The following FHIT variants were observed in gnomAD, a reference collection of about 807,000 sequenced individuals.
FHIT encodes the protein bis(5'-adenosyl)-triphosphatase.
A neutral mutation model predicts 17.9 loss-of-function variants in FHIT; 19 were observed. That is an observed-to-expected ratio of 1.06 (90% CI 0.74 to 1.56). The LOEUF is 1.56. Among genes scored for constraint, FHIT ranks in the 40% most tolerant of loss-of-function variants. FHIT has a pLI of 0.00. For missense variants in FHIT, 248 were observed against 189.2 expected, an observed-to-expected ratio of 1.31 and a Z score of -1.82; for synonymous variants, 81 against 69.7, an observed-to-expected ratio of 1.16 and a Z score of -0.81.
In FHIT at chr3:60,193,726, T is replaced by C. The variant is rs534773399; in HGVS notation, c.104-179574A>G. Among the ~76,000 whole-genome samples, 8 of 152,236 alleles carry C rather than the reference T, an allele frequency of 5.3e-5. No individual in the cohort carries two copies. In the East Asian group the frequency reaches 7.7e-4, roughly 15 times the overall value. On this transcript the variant is annotated intron_variant, in intron 5 of 9. Coordinates refer to ENST00000492590, the MANE Select transcript of FHIT (RefSeq NM_002012.4). ...CCACATCCTGACCCTGCAAACAGTT[T>C]AGTGGGGGACACAGGCTTTCACATA...
chr3:60,077,560 G>T (rs1317780518), intron 5 of FHIT: 1 of 151,608 alleles, frequency 6.6e-6, no homozygotes, highest in African/African-American at 2.4e-5. Flanking sequence ...AAAATTGTGG[G>T]GACAGGTCAA....
At chr3:60,557,261 G>A (rs1387168956) in intron 4 of FHIT, among the ~76,000 whole-genome samples, 1 of 152,160 alleles carries the variant, frequency 6.6e-6, no homozygotes, top group Non-Finnish European at 1.5e-5. Context: ...CCAGGTATGT[G>A]ACACTGGTCT....
intron 5 of FHIT, among the ~76,000 whole-genome samples, chr3:60,136,251 AGG>A (rs1291539526): frequency 9.7e-4 from 148 of 152,284 alleles, no homozygotes; most frequent in African/African-American, 3.4e-3. Flanking sequence ...CTCAATGTCA[AGG>A]TTACTTCCCA....
intron 5 of FHIT, among the ~76,000 whole-genome samples, chr3:60,256,802 C>G (rs538587970): frequency 6.6e-6 from 1 of 152,260 alleles, no homozygotes; most frequent in South Asian, 2.1e-4. Context: ...CTTAATATCT[C>G]TAGTTTCTTT....
intron 8 of FHIT, among the ~76,000 whole-genome samples, chr3:59,842,751 C>T (rs3112497): frequency 0.53 from 80,889 of 151,894 alleles, 24,001 homozygotes; most frequent in Admixed American, 0.66. Context: ...ATTTTTGAAT[C>T]AGTGATTTTT....
intron 5 of FHIT, among the ~76,000 whole-genome samples, chr3:60,358,554 A>T (rs2039048548): frequency 6.6e-6 from 1 of 152,244 alleles, no homozygotes; most frequent in Admixed American, 6.5e-5. Context: ...AGCCTAGGTC[A>T]AAAAGCTAAG....
intron 8 of FHIT, among the ~76,000 whole-genome samples, chr3:59,845,504 T>A (rs2046039135): frequency 6.6e-6 from 1 of 152,148 alleles, no homozygotes; most frequent in South Asian, 2.1e-4. Flanking sequence ...AAGTATTATC[T>A]AATTCCCCTT....
intron 4 of FHIT, among the ~76,000 whole-genome samples, chr3:60,786,988 G>A (rs1382992735): frequency 7.1e-6 from 1 of 140,914 alleles, no homozygotes; most frequent in African/African-American, 2.8e-5. Context: ...CAGGAAAGAG[G>A]GAAATAAGAC....
intron 5 of FHIT, among the ~76,000 whole-genome samples, chr3:60,158,812 C>G (rs574322334): frequency 6.6e-6 from 1 of 152,088 alleles, no homozygotes; most frequent in African/African-American, 2.4e-5. Context: ...GCACCCTATG[C>G]AGAATGAATC....
chr3:60,553,104 G>C (rs1283329422), intron 4 of FHIT, among the ~76,000 whole-genome samples: 1 of 152,028 alleles, frequency 6.6e-6, no homozygotes, highest in Non-Finnish European at 1.5e-5. Context: ...GCAATGAATG[G>C]GTAAATAATT....
chr3:60,646,208 G>A lies in FHIT; in HGVS notation c.-17-109229C>T, dbSNP rs537022387. On this transcript the variant is annotated intron_variant, in intron 4 of 9. Coordinates refer to ENST00000492590, the MANE Select transcript of FHIT (RefSeq NM_002012.4). ...TAGGAGAACAGATAATTACCGGAGT[G>A]AACTAGCAAATTCCTACTGGTTATA... Among the ~76,000 whole-genome samples, 3 of 152,270 alleles carry A rather than the reference G, an allele frequency of 2.0e-5. No homozygotes were observed. The East Asian group carries it at 5.8e-4, about 29-fold the overall frequency.
At chr3:60,133,571 T>C (rs1165425658) in intron 5 of FHIT, among the ~76,000 whole-genome samples, 1 of 151,996 alleles carries the variant, frequency 6.6e-6, no homozygotes. Context: ...CAATTCTTTA[T>C]CTCTTTTTCT....
At chr3:59,896,820 G>C (rs1045070778) in intron 8 of FHIT, among the ~76,000 whole-genome samples, 1 of 152,130 alleles carries the variant, frequency 6.6e-6, no homozygotes, top group African/African-American at 2.4e-5. Flanking sequence ...TCAGAGGCAA[G>C]AATACGAGTA....
At chr3:60,148,611 T>C (rs184024661) in intron 5 of FHIT, among the ~76,000 whole-genome samples, 209 of 152,268 alleles carry the variant, frequency 1.4e-3, no homozygotes, top group Non-Finnish European at 1.4e-3. Context: ...CCATCAGACA[T>C]GGGCATCTGA....
In FHIT at chr3:60,718,616, C is replaced by G. The variant is rs545213932; in HGVS notation, c.-18+103303G>C. 3.3e-4 allele frequency among the ~76,000 whole-genome samples: 50 copies of G among 152,274 alleles called. No individual in the cohort carries two copies. In the Middle Eastern group the frequency reaches 0.01, roughly 31 times the overall value. Reference sequence around the variant, plus strand: ...CCAGTCACTCATGAAAAGAACACAGCCCCAGGCAACTGATATTGATACATT... The same window carrying G: ...CCAGTCACTCATGAAAAGAACACAGGCCCAGGCAACTGATATTGATACATT... On this transcript the variant is annotated intron_variant, in intron 4 of 9. Coordinates refer to ENST00000492590, the MANE Select transcript of FHIT (RefSeq NM_002012.4).
intron 4 of FHIT, among the ~76,000 whole-genome samples, chr3:60,814,075 A>G (rs2594157): frequency 0.94 from 143,155 of 152,126 alleles, 67,968 homozygotes; most frequent in East Asian, 1. Context: ...ATTTATTTTT[A>G]TTTGTTTGGT....
intron 7 of FHIT, among the ~76,000 whole-genome samples, chr3:59,926,533 T>C (rs1705670007): frequency 6.6e-6 from 1 of 152,100 alleles, no homozygotes; most frequent in African/African-American, 2.4e-5. Flanking sequence ...ACTCTAACGT[T>C]TGAAGTTTGG....
intron 5 of FHIT, among the ~76,000 whole-genome samples, chr3:60,045,410 G>A (rs1398391942): frequency 1.3e-5 from 2 of 151,942 alleles, no homozygotes; most frequent in Non-Finnish European, 2.9e-5. Context: ...AGTTTGTGCA[G>A]GGAAACTCCC....
At chr3:60,980,221 C>T (rs773376472) in intron 3 of FHIT, among the ~76,000 whole-genome samples, 1 of 152,102 alleles carries the variant, frequency 6.6e-6, no homozygotes, top group Non-Finnish European at 1.5e-5. Flanking sequence ...TGTGCATTTA[C>T]TCTGTATAAA....
Sources: gnomAD v4.1 joint callset for allele counts (sites outside exome capture counted in the v4.1 genomes callset) on GRCh38, gnomAD v4.1.1 for gene constraint, MANE v1.5 for transcripts, NCBI Gene and HGNC (gene_info 2026-07-23, HGNC 2026-07-21) for gene names.